The following METAP2 variants were observed in gnomAD, a reference collection of about 807,000 sequenced individuals.
METAP2 encodes methionyl aminopeptidase 2, also known as methionine aminopeptidase 2.
METAP2 carries 25 observed loss-of-function variants against 59.4 expected under a neutral mutation model. The observed-to-expected ratio is 0.42, with a 90% CI of 0.31 to 0.59. The LOEUF is 0.59. Ranked by LOEUF, METAP2 falls within the 20% of genes least tolerant of loss-of-function variation. The probability of loss-of-function intolerance (pLI) is 0.16; values close to 1 mark genes in which losing one functional copy is unlikely to be tolerated. For synonymous variants in METAP2, 214 were observed against 194.1 expected, an observed-to-expected ratio of 1.10 and a Z score of -0.85; for missense variants, 366 against 581.2, an observed-to-expected ratio of 0.63 and a Z score of 3.81.
At chr12:95,506,561 A>G (rs1191415590) in intron 8 of METAP2, among the ~76,000 whole-genome samples, 1 of 151,950 alleles carries the variant, frequency 6.6e-6, no homozygotes, top group Non-Finnish European at 1.5e-5. Context: ...GGCTTCCCAC[A>G]GTGCTGGGAT....
At chr12:95,476,927 T>C (rs141988256) in intron 2 of METAP2, among the ~76,000 whole-genome samples, 1 of 152,320 alleles carries the variant, frequency 6.6e-6, no homozygotes, top group African/African-American at 2.4e-5. Context: ...ATGGACTGTC[T>C]TTTCCTATTT....
At chr12:95,484,264 G>A (rs907998519) in intron 3 of METAP2, among the ~76,000 whole-genome samples, 22 of 151,868 alleles carry the variant, frequency 1.4e-4, no homozygotes, top group South Asian at 1.0e-3. Flanking sequence ...TTGCATTTAG[G>A]CGTCCATCAT....
chr12:95,510,157 A>G (rs2076391978), intron 8 of METAP2, among the ~76,000 whole-genome samples: 1 of 152,120 alleles, frequency 6.6e-6, no homozygotes, highest in South Asian at 2.1e-4. Context: ...CTTTTTTAAA[A>G]TTTGAAATAT....
At chr12:95,492,010 G>A (rs1208340892) in intron 4 of METAP2, among the ~76,000 whole-genome samples, 1 of 152,056 alleles carries the variant, frequency 6.6e-6, no homozygotes. Context: ...GTCTTGTTAT[G>A]TTGCCCAGGC....
intron 10 of METAP2, among the ~76,000 whole-genome samples, 162 bp from the exon 11 acceptor site, chr12:95,513,490 A>G (rs970386501): frequency 1.3e-5 from 2 of 152,196 alleles, no homozygotes; most frequent in African/African-American, 4.8e-5. Context: ...ATAATTAGGT[A>G]TGGGCTATTA....
At chr12:95,484,054 G>A (rs1398941508) in intron 3 of METAP2, among the ~76,000 whole-genome samples, 1 of 152,034 alleles carries the variant, frequency 6.6e-6, no homozygotes, top group Admixed American at 6.6e-5. Flanking sequence ...GGGAGATTTC[G>A]TAGTGTTGAG....
At chr12:95,513,316 G>T (rs1217391054) in intron 10 of METAP2, among the ~76,000 whole-genome samples, 1 of 151,994 alleles carries the variant, frequency 6.6e-6, no homozygotes, top group Non-Finnish European at 1.5e-5. Context: ...TCTTTTATAT[G>T]CAGGTCTTTG....
At chr12:95,506,731 A>G (rs1348031722) in intron 8 of METAP2, among the ~76,000 whole-genome samples, 1 of 151,986 alleles carries the variant, frequency 6.6e-6, no homozygotes, top group African/African-American at 2.4e-5. Flanking sequence ...CTTCTTTGTT[A>G]TTTGATTTTC....
At chr12:95,511,398 T>TG (rs1289090108) in intron 8 of METAP2, among the ~76,000 whole-genome samples, 1 of 140,066 alleles carries the variant, frequency 7.1e-6, no homozygotes, top group Non-Finnish European at 1.5e-5. Context: ...CGTTTTTTTT[T>TG]TTTTTTTTTT....
intron 7 of METAP2, among the ~76,000 whole-genome samples, chr12:95,503,071 T>G (rs2076328860): frequency 6.6e-6 from 1 of 152,130 alleles, no homozygotes; most frequent in African/African-American, 2.4e-5. Context: ...AGGGATAGTT[T>G]CTGTCGATTT....
chr12:95,512,242 C>G (rs2076408254), intron 9 of METAP2, among the ~76,000 whole-genome samples: 1 of 152,146 alleles, frequency 6.6e-6, no homozygotes, highest in Admixed American at 6.5e-5. Context: ...ATTGAGCATT[C>G]TCAGGTGCCA....
chr12:95,477,163 GCGTGATC>G (rs1211987277), intron 2 of METAP2, among the ~76,000 whole-genome samples: 3 of 151,922 alleles, frequency 2.0e-5, no homozygotes, highest in Non-Finnish European at 4.4e-5. Flanking sequence ...GAGTGCAGTG[GCGTGATC>G]TCGGATCACT....
At position 95,509,836 on chromosome 12, in the gene METAP2, T is replaced by TCC. The variant is rs1246108706; in HGVS notation, c.965-2053_965-2052dup. On this transcript the variant is annotated intron_variant, in intron 8 of 10. Coordinates refer to ENST00000323666, the MANE Select transcript of METAP2 (RefSeq NM_006838.4). Reference sequence around the variant, plus strand: ...TATAGAGTTAAATTTTTTTAAGACCTCCCCCCCAACCTTTTTTTTTTTTTT... The same window carrying TCC: ...TATAGAGTTAAATTTTTTTAAGACCTCCCCCCCCCAACCTTTTTTTTTTTTTT... Among the ~76,000 whole-genome samples the TCC allele has an allele frequency of 2.2e-3, 272 of 122,324 alleles. 8 individuals are homozygous for TCC. The highest frequency in any genetic ancestry group is 0.021 in the South Asian group (78 of 3,728). 80.2% of individuals were successfully genotyped at this position (122,324 alleles called of 152,430 possible).
At chr12:95,495,454 C>G (rs928176813) in intron 6 of METAP2, among the ~76,000 whole-genome samples, 1 of 149,864 alleles carries the variant, frequency 6.7e-6, no homozygotes, top group Non-Finnish European at 1.5e-5. Flanking sequence ...TGTTTCATAT[C>G]TCTTTTATTC....
In METAP2 at chr12:95,485,982, G is replaced by T; in HGVS notation, c.428+1G>T. 6.4e-7 allele frequency: 1 copy of T among 1,553,136 alleles called. No homozygotes were observed. The highest frequency in any genetic ancestry group is 8.8e-7 in the Non-Finnish European group (1 of 1,137,884). ...GCGAATACCCACCCACACAAGATGG[G>T]TAAGGATCATCAAATCACTTCCAGT... On this transcript the variant is annotated splice_donor_variant, in intron 4 of 10. Coordinates refer to ENST00000323666, the MANE Select transcript of METAP2 (RefSeq NM_006838.4). LOFTEE classifies it high-confidence loss of function.
chr12:95,498,992 G>C (rs143274371), intron 7 of METAP2, among the ~76,000 whole-genome samples: 1 of 150,352 alleles, frequency 6.7e-6, no homozygotes, highest in Non-Finnish European at 1.5e-5. Flanking sequence ...TTCCAGCCTG[G>C]GTAAAAAAGC....
intron 7 of METAP2, among the ~76,000 whole-genome samples, chr12:95,496,591 A>T (rs1435714500): frequency 1.3e-5 from 2 of 152,084 alleles, no homozygotes; most frequent in Non-Finnish European, 2.9e-5. Flanking sequence ...TTAGTAATAT[A>T]CATAAGGGGT....
intron 7 of METAP2, 52 bp from the exon 8 acceptor site, chr12:95,504,013 C>A: frequency 7.6e-7 from 1 of 1,315,740 alleles, no homozygotes; most frequent in Non-Finnish European, 1.1e-6. Context: ...AATTAAGTTG[C>A]TATGAAAATT....
chr12:95,479,253 G>A (rs2076141921), intron 2 of METAP2, among the ~76,000 whole-genome samples: 1 of 152,218 alleles, frequency 6.6e-6, no homozygotes, highest in South Asian at 2.1e-4. Flanking sequence ...TAGGCATGGA[G>A]AGGAAGGATC....
Sources: gnomAD v4.1 joint callset for allele counts (sites outside exome capture counted in the v4.1 genomes callset) on GRCh38, gnomAD v4.1.1 for gene constraint, MANE v1.5 for transcripts, NCBI Gene and HGNC (gene_info 2026-07-23, HGNC 2026-07-21) for gene names.